PSPC1: variants seen among roughly 807,000 people sequenced by gnomAD.
PSPC1 encodes the protein paraspeckle protein 1.
Under a neutral mutation model 51.6 loss-of-function variants are expected in PSPC1, and 14 were observed. That is an observed-to-expected ratio of 0.27 (90% CI 0.18 to 0.42). The LOEUF is 0.42. Ranked by LOEUF, PSPC1 falls within the 10% of genes least tolerant of loss-of-function variation. The probability of loss-of-function intolerance (pLI) is 1.00; values close to 1 mark genes in which losing one functional copy is unlikely to be tolerated. For missense variants in PSPC1, 406 were observed against 701.1 expected (o/e 0.58, Z 4.75); for synonymous variants, 193 against 231.9 (o/e 0.83, Z 1.53).
At chr13:19,742,725 C>T (rs68082932) in intron 4 of PSPC1, among the ~76,000 whole-genome samples, 13,058 of 152,166 alleles carry the variant, frequency 0.086, 601 homozygotes, top group Middle Eastern at 0.13. Flanking sequence ...GGTTGCACAG[C>T]AGAACTGTCT....
downstream of PSPC1, chr13:19,674,526 A>G (rs1593499686): frequency 6.6e-6 from 1 of 152,118 alleles, no homozygotes; most frequent in Non-Finnish European, 1.5e-5. Flanking sequence ...CACCCTCCCA[A>G]ACGAAGCTGA....
intron 6 of PSPC1, among the ~76,000 whole-genome samples, chr13:19,712,881 G>A (rs1881611758): frequency 6.6e-6 from 1 of 152,158 alleles, no homozygotes; most frequent in South Asian, 2.1e-4. Flanking sequence ...TATCTTAGAA[G>A]GGGCAAAAGA....
rs184674272 is a variant in PSPC1 at position 19,722,160 on chromosome 13, A to T, written c.1158+8079T>A. Among the ~76,000 whole-genome samples, 53 of 152,324 alleles carry T rather than the reference A, an allele frequency of 3.5e-4. 1 individual carries two copies. Among genetic ancestry groups the T allele is most frequent in the African/African-American group, 1.1e-3 (46 of 41,568 alleles). On this transcript the variant is annotated intron_variant, in intron 6 of 8. Transcript: ENST00000338910. ...ATTAGTAGACAACAAAGTCAGAAAA[A>T]AATTAGAATACAACTTGGTAAATAT...
chr13:19,725,035 A>T (rs1025186949), intron 6 of PSPC1, among the ~76,000 whole-genome samples: 1 of 150,562 alleles, frequency 6.6e-6, no homozygotes, highest in African/African-American at 2.5e-5. Flanking sequence ...AAATTAGCCA[A>T]TCGTGGTGGC....
chr13:19,696,487 TCACACACACACGCA>T (rs1265408690), intron 6 of PSPC1, among the ~76,000 whole-genome samples: 1 of 144,936 alleles, frequency 6.9e-6, no homozygotes, highest in Non-Finnish European at 1.5e-5. Context: ...TAGGCCTTTA[TCACACACACACGCA>T]CACACACACA....
chr13:19,707,095 C>A (rs758937952), intron 7 of PSPC1, among the ~76,000 whole-genome samples: 1 of 152,100 alleles, frequency 6.6e-6, no homozygotes, highest in Non-Finnish European at 1.5e-5. Flanking sequence ...AACAATCCCC[C>A]AGAAAACAAA....
In PSPC1 at chr13:19,782,344, C is replaced by A; in HGVS notation, c.372+42G>T. 1 of 1,535,244 alleles carries A rather than the reference C, an allele frequency of 6.5e-7. No homozygotes were observed. Among genetic ancestry groups the A allele is most frequent in the Admixed American group, 2.0e-5 (1 of 50,818 alleles). ...CAGCCCCACGACCCCGCGGCCACCCCGACAGTCCTTTTGTTCCCTCGCGCG... is the reference window on the plus strand; with the variant it reads ...CAGCCCCACGACCCCGCGGCCACCCAGACAGTCCTTTTGTTCCCTCGCGCG... On this transcript the variant is annotated intron_variant, in intron 1 of 8. Coordinates refer to ENST00000338910, the MANE Select transcript of PSPC1 (RefSeq NM_001354909.2). The surrounding 1 kb of genome is among the most constrained non-coding windows in gnomAD (Gnocchi z 4.5).
chr13:19,768,823 G>T (rs900785359), intron 2 of PSPC1, among the ~76,000 whole-genome samples: 1 of 150,732 alleles, frequency 6.6e-6, no homozygotes. Flanking sequence ...AAACTAACTA[G>T]AATATCTAAG....
intron 4 of PSPC1, among the ~76,000 whole-genome samples, chr13:19,749,460 G>T (rs1307481878): frequency 1.3e-5 from 2 of 150,274 alleles, no homozygotes; most frequent in Non-Finnish European, 1.5e-5. Flanking sequence ...ATGGGAGGCG[G>T]AAGTTGCAGT....
chr13:19,703,066 T>C lies in PSPC1; in HGVS notation c.*109A>G. The C allele has an allele frequency of 2.8e-6, 2 of 723,500 alleles. No homozygotes were observed. Among genetic ancestry groups the C allele is most frequent in the Non-Finnish European group, 4.3e-6 (2 of 464,750 alleles). 44.8% of individuals were successfully genotyped at this position (723,500 alleles called of 1,614,324 possible). ...AGTTTTACAAAAAAAAAAAAACTTT[T>C]AAGTCTACATACATTAACAATAAAA... On this transcript the variant is annotated 3_prime_UTR_variant, in exon 9 of 9. Coordinates refer to ENST00000338910, the MANE Select transcript of PSPC1 (RefSeq NM_001354909.2).
chr13:19,720,290 T>C (rs986385986), intron 6 of PSPC1, among the ~76,000 whole-genome samples: 3 of 152,088 alleles, frequency 2.0e-5, no homozygotes, highest in Admixed American at 6.6e-5. Flanking sequence ...AGTAAAACCA[T>C]CATAACTGGC....
At chr13:19,756,957 G>T (rs988840894) in intron 3 of PSPC1, among the ~76,000 whole-genome samples, 1 of 150,872 alleles carries the variant, frequency 6.6e-6, no homozygotes, top group African/African-American at 2.4e-5. Flanking sequence ...GTGAAACCCC[G>T]TCTCTACTAA....
chr13:19,729,746 T>A (rs1883820021), intron 6 of PSPC1, among the ~76,000 whole-genome samples: 1 of 152,134 alleles, frequency 6.6e-6, no homozygotes, highest in African/African-American at 2.4e-5. Flanking sequence ...AGTCCTCATC[T>A]TTTAGAGATA....
intron 7 of PSPC1, among the ~76,000 whole-genome samples, chr13:19,677,343 T>C (rs1876777919): frequency 6.6e-6 from 1 of 152,198 alleles, no homozygotes; most frequent in South Asian, 2.1e-4. Context: ...AAAGACCTTT[T>C]TTTTCTCTCT....
intron 1 of PSPC1, among the ~76,000 whole-genome samples, chr13:19,777,345 G>A (rs542325519): frequency 7.0e-5 from 10 of 143,784 alleles, no homozygotes; most frequent in East Asian, 2.1e-4. Context: ...TAGGAGAATC[G>A]CTTTAGTCCA....
chr13:19,737,549 G>A (rs1381127281), intron 5 of PSPC1, among the ~76,000 whole-genome samples: 1 of 152,100 alleles, frequency 6.6e-6, no homozygotes, highest in Admixed American at 6.6e-5. Context: ...TATTACAGGT[G>A]ATATGAAATT....
At chr13:19,739,485 C>T (rs1885191787) in intron 5 of PSPC1, among the ~76,000 whole-genome samples, 2 of 152,124 alleles carry the variant, frequency 1.3e-5, no homozygotes. Context: ...TGGTGGCTCA[C>T]ACCTGTAATC....
downstream of PSPC1, among the ~76,000 whole-genome samples, chr13:19,698,522 C>T (rs1370449408): frequency 6.6e-6 from 1 of 151,726 alleles, no homozygotes; most frequent in African/African-American, 2.4e-5. Context: ...AAACTAAGTA[C>T]ATTTCCACTT....
At chr13:19,716,946 T>C (rs1485039760) in intron 6 of PSPC1, among the ~76,000 whole-genome samples, 1 of 151,918 alleles carries the variant, frequency 6.6e-6, no homozygotes, top group Non-Finnish European at 1.5e-5. Flanking sequence ...CCTCAGCACT[T>C]TGGGGGGCTG....
Sources: allele counts gnomAD v4.1 joint callset (sites outside exome capture counted in the v4.1 genomes callset), GRCh38; gene constraint gnomAD v4.1.1; non-coding constraint Gnocchi (gnomAD v3.1); transcripts MANE v1.5; gene names NCBI Gene and HGNC (gene_info 2026-07-23, HGNC 2026-07-21).